The following PCDHA4 variants were observed in gnomAD, a reference collection of about 807,000 sequenced individuals.
PCDHA4 encodes the protein protocadherin alpha 4, also known as protocadherin alpha-4.
In PCDHA4, 49 loss-of-function variants were observed where a neutral mutation model predicts 61.4. That is an observed-to-expected ratio of 0.80 (90% CI 0.63 to 1.01). PCDHA4 has a LOEUF of 1.01. PCDHA4 is among the 50% of genes least tolerant of loss of function. PCDHA4 has a pLI of 0.00. For missense variants in PCDHA4, 1,254 were observed against 1,235.8 expected (o/e 1.01, Z -0.22); for synonymous variants, 590 against 550.3 (o/e 1.07, Z -1.01).
chr5:140,864,439 T>A (rs2048478325), intron 1 of PCDHA4: 1 of 152,242 alleles, frequency 6.6e-6, no homozygotes, highest in South Asian at 2.1e-4. Flanking sequence ...CAATTTTGTT[T>A]CTTCATGATC....
At chr5:140,985,180 G>A (rs782679962) in intron 3 of PCDHA4, among the ~76,000 whole-genome samples, 1 of 152,028 alleles carries the variant, frequency 6.6e-6, no homozygotes, top group Non-Finnish European at 1.5e-5. Flanking sequence ...CTCGTAATCC[G>A]CCTGCCTCGG....
At chr5:140,910,357 T>C (rs1394310433) in intron 1 of PCDHA4, among the ~76,000 whole-genome samples, 3 of 152,226 alleles carry the variant, frequency 2.0e-5, no homozygotes, top group African/African-American at 7.2e-5. Flanking sequence ...CTGTCCATTA[T>C]GGTAGCTATG....
intron 1 of PCDHA4, chr5:140,857,908 G>T (rs782073504): frequency 6.3e-7 from 1 of 1,597,722 alleles, no homozygotes; most frequent in South Asian, 1.1e-5. Flanking sequence ...CACGCATCCC[G>T]TTTCGCGTGG....
intron 1 of PCDHA4, among the ~76,000 whole-genome samples, chr5:140,838,065 TTA>T (rs144773480): frequency 0.038 from 4,279 of 113,132 alleles, 207 homozygotes; most frequent in Non-Finnish European, 0.046. Context: ...CCACTTTAAG[TTA>T]TATATATATA....
intron 1 of PCDHA4, chr5:140,828,881 C>T: frequency 6.2e-7 from 1 of 1,614,208 alleles, no homozygotes; most frequent in African/African-American, 1.3e-5. Context: ...AGTTATCAGA[C>T]TGAATGCTTC....
At chr5:140,837,263 G>C (rs2150274412) in intron 1 of PCDHA4, 1 of 152,030 alleles carries the variant, frequency 6.6e-6, no homozygotes, top group East Asian at 1.9e-4. Flanking sequence ...TATCATATTT[G>C]TGTAGCACTG....
intron 3 of PCDHA4, among the ~76,000 whole-genome samples, chr5:140,994,339 A>T (rs1279466681): frequency 6.6e-6 from 1 of 152,146 alleles, no homozygotes; most frequent in Non-Finnish European, 1.5e-5. Context: ...TGAACAGTGG[A>T]TGTTGTGGGA....
At chr5:140,846,890 G>A (rs1554141524) in intron 1 of PCDHA4, among the ~76,000 whole-genome samples, 3 of 149,570 alleles carry the variant, frequency 2.0e-5, no homozygotes, top group South Asian at 2.1e-4. Context: ...TCAGAATGAC[G>A]TTGAAGTTGA....
chr5:140,899,468 G>C (rs1243330987), intron 1 of PCDHA4, among the ~76,000 whole-genome samples: 2 of 152,080 alleles, frequency 1.3e-5, no homozygotes, highest in African/African-American at 4.8e-5. Context: ...TTTGTCTTTG[G>C]TTCTGTTTAT....
At chr5:140,958,264 A>G (rs2153717297) in intron 1 of PCDHA4, among the ~76,000 whole-genome samples, 1 of 152,230 alleles carries the variant, frequency 6.6e-6, no homozygotes, top group Admixed American at 6.5e-5. Flanking sequence ...TTAATTTGGT[A>G]CAAGAAGTAT....
intron 1 of PCDHA4, chr5:140,834,400 G>A: frequency 1.2e-6 from 2 of 1,605,520 alleles, no homozygotes; most frequent in Non-Finnish European, 8.5e-7. Flanking sequence ...TGCCCGAATG[G>A]ATACGACCCA....
At chr5:140,877,417 G>T (rs782190793) in intron 1 of PCDHA4, 5 of 1,613,822 alleles carry the variant, frequency 3.1e-6, no homozygotes, top group Admixed American at 1.7e-5. Context: ...CCGCCTGCTG[G>T]TGCTGGTGAA....
In PCDHA4 at chr5:140,879,837, T is replaced by C. The variant is rs150709679; in HGVS notation, c.2385+70265T>C. ...GTTGGTGTTCCCTGGCTTGTGGCTGTACCACTCCCATCTCAGCCTTCTCAG... is the reference window on the plus strand; with the variant it reads ...GTTGGTGTTCCCTGGCTTGTGGCTGCACCACTCCCATCTCAGCCTTCTCAG... On this transcript the variant is annotated intron_variant, in intron 1 of 3. Coordinates refer to ENST00000530339, the MANE Select transcript of PCDHA4 (RefSeq NM_018907.4). Among the ~76,000 whole-genome samples, 861 of 152,350 alleles carry C rather than the reference T, an allele frequency of 5.7e-3. 5 individuals are homozygous for C. The highest frequency in any genetic ancestry group is 0.014 in the Middle Eastern group (4 of 294).
intron 1 of PCDHA4, among the ~76,000 whole-genome samples, chr5:140,958,824 A>T (rs1008923744): frequency 8.5e-5 from 13 of 152,158 alleles, no homozygotes; most frequent in African/African-American, 3.1e-4. Context: ...TAATTTTTAT[A>T]TCTTAAAGTT....
chr5:140,887,101 CTTT>C (rs200717289), intron 1 of PCDHA4, among the ~76,000 whole-genome samples: 1 of 145,292 alleles, frequency 6.9e-6, no homozygotes, highest in African/African-American at 2.5e-5. Flanking sequence ...ATCTTTATCT[CTTT>C]TTTTTTTTTT....
intron 1 of PCDHA4, chr5:140,849,719 G>C: frequency 1.3e-6 from 2 of 1,598,560 alleles, no homozygotes; most frequent in South Asian, 1.1e-5. Context: ...ACTCGTTGGT[G>C]CTGGACAGAG....
intron 3 of PCDHA4, among the ~76,000 whole-genome samples, chr5:141,007,135 C>G (rs1183279253): frequency 2.6e-5 from 4 of 152,074 alleles, no homozygotes; most frequent in Non-Finnish European, 5.9e-5. Context: ...GATGAGGAGA[C>G]TGACAAAGGA....
rs1318290193 is a variant in PCDHA4, at chr5:140,849,912, C to G, written c.2385+40340C>G. ...GAAGGAGAACAACCCGCCGGGCTGCCACATCTTCACGGTGTCTGCGCGGGA... is the reference window on the plus strand; with the variant it reads ...GAAGGAGAACAACCCGCCGGGCTGCGACATCTTCACGGTGTCTGCGCGGGA... On this transcript the variant is annotated intron_variant, in intron 1 of 3. Coordinates refer to ENST00000530339, the MANE Select transcript of PCDHA4 (RefSeq NM_018907.4). 51 of 1,598,266 alleles carry G rather than the reference C, an allele frequency of 3.2e-5. 3 individuals are homozygous for G. The highest frequency in any genetic ancestry group is 4.2e-5 in the Non-Finnish European group (49 of 1,167,792).
chr5:140,850,323 G>A (rs2150479672), intron 1 of PCDHA4: 4 of 1,597,370 alleles, frequency 2.5e-6, no homozygotes, highest in Non-Finnish European at 3.4e-6. Context: ...GCTTTCATAC[G>A]AGCTGCAGCC....
Sources: allele counts gnomAD v4.1 joint callset (sites outside exome capture counted in the v4.1 genomes callset), GRCh38; gene constraint gnomAD v4.1.1; transcripts MANE v1.5; gene names NCBI Gene and HGNC (gene_info 2026-07-23, HGNC 2026-07-21).